The following COBL variants were observed in gnomAD, a reference collection of about 807,000 sequenced individuals.
The protein encoded by COBL is cordon-bleu WH2 repeat protein.
In COBL, 51 loss-of-function variants were observed where a neutral mutation model predicts 98.8. The ratio of observed to expected loss-of-function variants is 0.52; its 90% CI spans 0.41 to 0.65. The LOEUF (loss-of-function observed/expected upper bound fraction) is 0.65. Ranked by LOEUF, COBL falls within the 30% of genes least tolerant of loss-of-function variation. COBL has a pLI of 0.00. For synonymous variants in COBL, 634 were observed against 651.7 expected (o/e 0.97, Z 0.41); for missense variants, 1,617 against 1,617.5 (o/e 1.00, Z 0.01).
intron 2 of COBL, among the ~76,000 whole-genome samples, chr7:51,197,900 C>T (rs866517501): frequency 6.6e-5 from 10 of 152,224 alleles, no homozygotes; most frequent in South Asian, 2.1e-4. Context: ...TTTGAGCTTA[C>T]GTGTGTCACT....
chr7:51,302,893 C>T lies in COBL; in HGVS notation c.41+13700G>A, dbSNP rs557479567. The stretch of plus-strand genomic sequence containing the variant: ...CTGTTATCAGAGAGTGTTACAGACG[C>T]CTCACCCCTCACCCCCAACCAAACG... On this transcript the variant is annotated intron_variant, in intron 1 of 12. Coordinates refer to ENST00000265136, the MANE Select transcript of COBL (RefSeq NM_015198.5). Among the ~76,000 whole-genome samples, 9 of 152,232 alleles carry T rather than the reference C, an allele frequency of 5.9e-5. No individual in the cohort carries two copies. In the South Asian group the frequency reaches 1.2e-3, roughly 21 times the overall value.
At chr7:51,169,244 A>G (rs1787622287) in intron 5 of COBL, among the ~76,000 whole-genome samples, 1 of 152,160 alleles carries the variant, frequency 6.6e-6, no homozygotes, top group Non-Finnish European at 1.5e-5. Context: ...TCTACCTATG[A>G]GCTGGAAGTC....
At chr7:51,176,810 T>C (rs921630073) in intron 5 of COBL, among the ~76,000 whole-genome samples, 9 of 152,224 alleles carry the variant, frequency 5.9e-5, no homozygotes, top group Non-Finnish European at 1.2e-4. Flanking sequence ...TTTTTGTCTA[T>C]GTTTGTATGT....
intron 5 of COBL, among the ~76,000 whole-genome samples, chr7:51,167,901 C>T (rs781682375): frequency 2.0e-5 from 3 of 152,090 alleles, no homozygotes; most frequent in Admixed American, 6.5e-5. Flanking sequence ...TTGCCATATA[C>T]AAAAATCAAA....
intron 4 of COBL, among the ~76,000 whole-genome samples, chr7:51,189,634 CAAAAAATAA>C (rs1789902212): frequency 6.8e-6 from 1 of 147,436 alleles, no homozygotes; most frequent in South Asian, 2.1e-4. Context: ...AATTCCATCT[CAAAAAATAA>C]AAAAAAGAGA....
intron 1 of COBL, among the ~76,000 whole-genome samples, chr7:51,258,578 T>C (rs1797407288): frequency 6.6e-6 from 1 of 152,204 alleles, no homozygotes; most frequent in Admixed American, 6.5e-5. Flanking sequence ...CCTTTCCAGC[T>C]TTTGAAGATA....
intron 1 of COBL, among the ~76,000 whole-genome samples, chr7:51,314,964 T>G (rs543188078): frequency 6.6e-6 from 1 of 152,206 alleles, no homozygotes; most frequent in Non-Finnish European, 1.5e-5. Flanking sequence ...CTTCTATCAT[T>G]AGACTCCCTT....
chr7:51,075,580 A>G (rs1792989344), intron 7 of COBL, among the ~76,000 whole-genome samples: 1 of 152,158 alleles, frequency 6.6e-6, no homozygotes, highest in Non-Finnish European at 1.5e-5. Flanking sequence ...TTACTTTTTA[A>G]TAGTGGATCT....
intron 6 of COBL, among the ~76,000 whole-genome samples, chr7:51,108,524 C>T (rs1031293948): frequency 5.3e-5 from 8 of 152,268 alleles, no homozygotes; most frequent in South Asian, 2.1e-4. Context: ...CTATTGAAGT[C>T]GCTGGCAAAC....
At chr7:51,024,337 TAATAAAATAA>T in intron 12 of COBL, among the ~76,000 whole-genome samples, 1 of 150,808 alleles carries the variant, frequency 6.6e-6, no homozygotes, top group East Asian at 1.9e-4. Flanking sequence ...ATAAATAAAA[TAATAAAATAA>T]AATAAAATCT....
chr7:51,138,220 C>T (rs770316776), intron 5 of COBL, among the ~76,000 whole-genome samples: 4 of 152,168 alleles, frequency 2.6e-5, no homozygotes, highest in Non-Finnish European at 4.4e-5. Flanking sequence ...CCAGAACACT[C>T]GTCAATGCCT....
At chr7:51,208,036 C>T (rs1479551644) in intron 2 of COBL, among the ~76,000 whole-genome samples, 5 of 151,526 alleles carry the variant, frequency 3.3e-5, no homozygotes. Flanking sequence ...AGCATCTCTG[C>T]CTGGCCGCCC....
In COBL at chr7:51,302,800, G is replaced by A. The variant is rs573038594; in HGVS notation, c.41+13793C>T. On this transcript the variant is annotated intron_variant, in intron 1 of 12. Transcript: ENST00000265136. ...GCTTTGAAAATACTGGAACTTAACT[G>A]AGATCAGTTTTACTCGCTGATAATA... Among the ~76,000 whole-genome samples the A allele has an allele frequency of 4.6e-5, 7 of 152,236 alleles. No individual in the cohort carries two copies. The South Asian group carries it at 1.5e-3, about 32-fold the overall frequency.
chr7:51,199,522 A>G (rs1348878999), intron 2 of COBL, among the ~76,000 whole-genome samples: 1 of 152,252 alleles, frequency 6.6e-6, no homozygotes, highest in African/African-American at 2.4e-5. Flanking sequence ...CAAAATAGCC[A>G]TCTTAAAGAA....
intron 1 of COBL, among the ~76,000 whole-genome samples, chr7:51,238,316 G>A (rs535522177): frequency 3.9e-5 from 6 of 152,154 alleles, no homozygotes; most frequent in African/African-American, 9.7e-5. Flanking sequence ...AGGCCACTCC[G>A]GGGTCCTTTC....
At chr7:51,232,820 A>G (rs1794891613) in intron 1 of COBL, among the ~76,000 whole-genome samples, 2 of 152,260 alleles carry the variant, frequency 1.3e-5, no homozygotes, top group Non-Finnish European at 2.9e-5. Context: ...CAAAAAAAAA[A>G]GAAAGAAAGA....
At chr7:51,288,164 T>C (rs1800545935) in intron 1 of COBL, among the ~76,000 whole-genome samples, 1 of 152,222 alleles carries the variant, frequency 6.6e-6, no homozygotes, top group Admixed American at 6.5e-5. Context: ...CCAGGCATGA[T>C]GGCTCACGTC....
chr7:51,248,922 C>T (rs1017541765), intron 1 of COBL, among the ~76,000 whole-genome samples: 3 of 152,122 alleles, frequency 2.0e-5, no homozygotes, highest in East Asian at 1.9e-4. Context: ...CAATCTTTAT[C>T]GTCTGAACAA....
At chr7:51,209,046 T>TAAAAAAAAAAAAA (rs572689062) in intron 2 of COBL, among the ~76,000 whole-genome samples, 1 of 43,426 alleles carries the variant, frequency 2.3e-5, no homozygotes, top group African/African-American at 8.1e-5. Flanking sequence ...AATGATCAAT[T>TAAAAAAAAAAAAA]AAAAAAAAAA....
Sources: allele counts gnomAD v4.1 joint callset (sites outside exome capture counted in the v4.1 genomes callset), GRCh38; gene constraint gnomAD v4.1.1; transcripts MANE v1.5; gene names NCBI Gene and HGNC (gene_info 2026-07-23, HGNC 2026-07-21).